COCH: variants seen among roughly 807,000 people sequenced by gnomAD.
COCH encodes cochlin, also known as coagulation factor C homolog, cochlin (Limulus polyphemus).
COCH carries 40 observed loss-of-function variants against 54.8 expected under a neutral mutation model. That is an observed-to-expected ratio of 0.73 (90% CI 0.57 to 0.95). The LOEUF is 0.95. Ranked by LOEUF, COCH falls within the 40% of genes least tolerant of loss-of-function variation. The pLI, the probability that COCH is intolerant of heterozygous loss-of-function variation, is 0.00. For missense variants in COCH, 605 were observed against 675.0 expected (o/e 0.90, Z 1.15); for synonymous variants, 256 against 237.9 (o/e 1.08, Z -0.70).
At chr14:30,875,234 G>T in intron 3 of COCH, 131 bp downstream of exon 3, 1 of 1,249,906 alleles carries the variant, frequency 8.0e-7, no homozygotes. Flanking sequence ...AGGTTGAGCC[G>T]CCGCGTGGCG....
At chr14:30,891,316 TC>T (rs1392906832), downstream of COCH, among the ~76,000 whole-genome samples, 1 of 152,188 alleles carries the variant, frequency 6.6e-6, no homozygotes, top group Non-Finnish European at 1.5e-5. Flanking sequence ...ACCTTGTCTG[TC>T]TTTTCTAAAG....
downstream of COCH, among the ~76,000 whole-genome samples, chr14:30,893,354 G>T (rs776048025): frequency 2.6e-5 from 4 of 151,650 alleles, no homozygotes; most frequent in Non-Finnish European, 5.9e-5. Context: ...GGGTTTCATC[G>T]TGTTAGCCAG....
intron 6 of COCH, among the ~76,000 whole-genome samples, chr14:30,880,193 T>A (rs1329775957): frequency 2.0e-5 from 3 of 152,236 alleles, no homozygotes; most frequent in African/African-American, 7.2e-5. Context: ...TAGGATTTAA[T>A]GTTGAGTTCC....
downstream of COCH, among the ~76,000 whole-genome samples, chr14:30,892,533 C>G (rs1896008552): frequency 6.6e-6 from 1 of 152,214 alleles, no homozygotes; most frequent in Non-Finnish European, 1.5e-5. Flanking sequence ...GGCACGGTGG[C>G]TCACGCCTGT....
At position 30,885,923 on chromosome 14, in the gene COCH, A is replaced by G. The variant is rs774121028; in HGVS notation, c.1088A>G (p.Tyr363Cys). ...HEQMMCSKTC[Y>C]NSVNIAFLID... ...CAAATGATGTGCAGCAAGACCTGTTATAACTCAGTGAACATTGCCTTTCTA... is the reference window on the plus strand; with the variant it reads ...CAAATGATGTGCAGCAAGACCTGTTGTAACTCAGTGAACATTGCCTTTCTA... The change falls in exon 11 of 12, where the codon TAT (tyrosine) becomes TGT (cysteine). Residue 363 changes from tyrosine to cysteine, a missense_variant. Physicochemically the swap from Tyr to Cys is radical, Grantham distance 194. Coordinates refer to ENST00000396618, the MANE Select transcript of COCH (RefSeq NM_004086.3). 6.2e-7 allele frequency: 1 copy of G among 1,614,248 alleles called. No individual in the cohort carries two copies. Among genetic ancestry groups the G allele is most frequent in the Non-Finnish European group, 8.5e-7 (1 of 1,180,036 alleles).
chr14:30,890,865 C>A (rs567525433), downstream of COCH, among the ~76,000 whole-genome samples: 3 of 151,676 alleles, frequency 2.0e-5, no homozygotes, highest in South Asian at 6.3e-4. Context: ...TAGTGAGAAC[C>A]CCCTCTACAA....
downstream of COCH, among the ~76,000 whole-genome samples, chr14:30,891,211 T>A (rs1895974047): frequency 6.6e-6 from 1 of 152,180 alleles, no homozygotes; most frequent in Non-Finnish European, 1.5e-5. Flanking sequence ...TGAAGTTGGT[T>A]CCTATGAAAG....
Position 30,885,941 on chromosome 14 carries a change from C to A in COCH, c.1106C>A (p.Ala369Asp). 3 of 1,614,174 alleles carry A rather than the reference C, an allele frequency of 1.9e-6. No homozygotes were observed. The highest frequency in any genetic ancestry group is 1.7e-6 in the Non-Finnish European group (2 of 1,180,022). ...ACCTGTTATAACTCAGTGAACATTGCCTTTCTAATTGATGGCTCCAGCAGT... is the reference window on the plus strand; with the variant it reads ...ACCTGTTATAACTCAGTGAACATTGACTTTCTAATTGATGGCTCCAGCAGT... Reference protein sequence around the residue: ...SKTCYNSVNIAFLIDGSSSVG... With the variant: ...SKTCYNSVNIDFLIDGSSSVG... The change falls in exon 11 of 12, where the codon GCC becomes GAC. Residue 369 changes from alanine (A) to aspartate (D), a missense_variant. Coordinates refer to ENST00000396618, the MANE Select transcript of COCH (RefSeq NM_004086.3).
rs760097850 is a variant in COCH, at chr14:30,889,817, A to G, written c.*26A>G. On this transcript the variant is annotated 3_prime_UTR_variant, in exon 12 of 12. Coordinates refer to ENST00000396618, the MANE Select transcript of COCH (RefSeq NM_004086.3). ...TGGTAACATTTTGACAACTGAAAGA[A>G]AAAGTACAAGGGGATCCAGTGTGTA... The G allele has an allele frequency of 1.8e-5, 29 of 1,606,548 alleles. No homozygotes were observed. The highest frequency in any genetic ancestry group is 2.5e-5 in the Non-Finnish European group (29 of 1,174,636).
chr14:30,880,475 G>T lies in COCH; in HGVS notation c.460G>T (p.Glu154Ter), dbSNP rs749858367. Residue 154 changes from glutamate to a stop codon, truncating the protein, a stop_gained, in exon 7 of 12, where the codon GAG becomes TAG. Coordinates refer to ENST00000396618, the MANE Select transcript of COCH (RefSeq NM_004086.3). LOFTEE classifies it high-confidence loss of function. ...AGGTAAACGACTAAAGAAAACACCC[G>T]AGAAGAAAACTGGCAATAAAGGTAA... ...PTGKRLKKTP[E>*]KKTGNKDCKA... 1.5e-5 allele frequency: 24 copies of T among 1,613,938 alleles called. No homozygotes were observed. Among genetic ancestry groups the T allele is most frequent in the Non-Finnish European group, 8.5e-7 (1 of 1,180,012 alleles).
rs1269355302 is a variant in COCH, at chr14:30,886,160, G to A, written c.1325G>A (p.Gly442Asp). 1.2e-6 allele frequency: 2 copies of A among 1,611,336 alleles called. No individual in the cohort carries two copies. Among genetic ancestry groups the A allele is most frequent in the South Asian group, 1.1e-5 (1 of 91,004 alleles). ...AVIRNIRYMS[G>D]GTATGDAISF... Reference sequence around the variant, plus strand: ...ATCAGAAACATCCGCTATATGAGTGGTGGAACAGCTACTGGTGATGCCATT... The same window carrying A: ...ATCAGAAACATCCGCTATATGAGTGATGGAACAGCTACTGGTGATGCCATT... Residue 442 changes from glycine to aspartate, a missense_variant, in exon 11 of 12, where the codon GGT (glycine) becomes GAT (aspartate). Coordinates refer to ENST00000396618, the MANE Select transcript of COCH (RefSeq NM_004086.3).
Position 30,880,504 on chromosome 14 carries a change from T to A in COCH, c.481+8T>A. On this transcript the variant is annotated splice_region_variant and intron_variant, in intron 7 of 11. Coordinates refer to ENST00000396618, the MANE Select transcript of COCH (RefSeq NM_004086.3). The stretch of plus-strand genomic sequence containing the variant: ...AGAAAACTGGCAATAAAGGTAAGAA[T>A]CAAGATCTCCATTTGGGAAGGTAGC... 6.2e-7 allele frequency: 1 copy of A among 1,614,144 alleles called. No homozygotes were observed. The highest frequency in any genetic ancestry group is 8.5e-7 in the Non-Finnish European group (1 of 1,180,010).
Position 30,890,133 on chromosome 14 carries a change from AC to A in COCH, c.*344del, listed in dbSNP as rs1566416765. On this transcript the variant is annotated 3_prime_UTR_variant, in exon 12 of 12. Transcript: ENST00000396618. The stretch of plus-strand genomic sequence containing the variant: ...CTCAATAAAAGAATCTGATACTTAG[AC>A]CAAAAGCAACATTCGTTCTCTAACC... 2 of 1,013,530 alleles carry A rather than the reference AC, an allele frequency of 2.0e-6. No individual in the cohort carries two copies. Among genetic ancestry groups the A allele is most frequent in the African/African-American group, 3.4e-5 (2 of 58,088 alleles). 62.8% of individuals were successfully genotyped at this position (1,013,530 alleles called of 1,614,324 possible). A position where few individuals can be genotyped will look rare whatever the true frequency, so the allele number is the denominator to read the frequency against.
Position 30,879,482 on chromosome 14 carries a change from A to G in COCH, c.433A>G (p.Thr145Ala), listed in dbSNP as rs1895492110. The G allele has an allele frequency of 1.2e-6, 2 of 1,613,960 alleles. No homozygotes were observed. The highest frequency in any genetic ancestry group is 2.7e-5 in the African/African-American group (2 of 74,932). Reference protein sequence around the residue: ...GQAVSTAHPPTGKRLKKTPEK... With the variant: ...GQAVSTAHPPAGKRLKKTPEK... ...AGCAGTGTCCACAGCACATCCACCAACAGGTATGAACTATGAAACCTATCT... is the reference window on the plus strand; with the variant it reads ...AGCAGTGTCCACAGCACATCCACCAGCAGGTATGAACTATGAAACCTATCT... Residue 145 changes from threonine (T) to alanine (A), a missense_variant, in exon 6 of 12, where the codon ACA (threonine) becomes GCA (alanine). By Grantham distance (58) the Thr-to-Ala change is moderately conservative. Transcript: ENST00000396618.
intron 9 of COCH, chr14:30,884,963 C>T (rs1377080497): frequency 1.3e-6 from 2 of 1,598,182 alleles, no homozygotes; most frequent in African/African-American, 1.3e-5. Flanking sequence ...TGAAAATCAA[C>T]AGACTTATCT....
chr14:30,884,873 A>G (rs1241203876), intron 9 of COCH: 1 of 1,551,540 alleles, frequency 6.4e-7, no homozygotes, highest in South Asian at 1.2e-5. Context: ...AATATAAAGC[A>G]TGGTGATTTA....
At chr14:30,884,722 C>T in intron 9 of COCH, 66 bp downstream of exon 9, 1 of 1,345,458 alleles carries the variant, frequency 7.4e-7, no homozygotes, top group African/African-American at 1.4e-5. Flanking sequence ...ACATGTAAAA[C>T]AGTATTATGC....
intron 8 of COCH, among the ~76,000 whole-genome samples, chr14:30,882,123 T>TG (rs1383466724): frequency 1.2e-4 from 12 of 96,480 alleles, no homozygotes; most frequent in Non-Finnish European, 1.7e-4. Context: ...TAAAATGGTT[T>TG]TTTTTTTTTT....
chr14:30,875,264 A>C, intron 3 of COCH, 161 bp downstream of exon 3: 6 of 992,208 alleles, frequency 6.0e-6, no homozygotes, highest in Non-Finnish European at 8.8e-6. Context: ...TAACCCCTGC[A>C]GCCGATCTGC....
Sources: gnomAD v4.1 joint callset for allele counts (sites outside exome capture counted in the v4.1 genomes callset) on GRCh38, gnomAD v4.1.1 for gene constraint, MANE v1.5 for transcripts, NCBI Gene and HGNC (gene_info 2026-07-23, HGNC 2026-07-21) for gene names.